Variants in BMAL2 observed in about 807,000 individuals in gnomAD.
The protein encoded by BMAL2 is basic helix-loop-helix ARNT-like protein 2.
the BMAL2 span, among the ~76,000 whole-genome samples, chr12:27,355,924 C>G: frequency 6.6e-6 from 1 of 152,190 alleles, no homozygotes; most frequent in Non-Finnish European, 1.5e-5. Context: ...ATGAATTAAT[C>G]TTAACCATCC....
At chr12:27,403,971 T>C in the BMAL2 span, among the ~76,000 whole-genome samples, 2 of 150,492 alleles carry the variant, frequency 1.3e-5, no homozygotes, top group Non-Finnish European at 3.0e-5. Context: ...GAGACAAGCC[T>C]GGGCAACATG....
the BMAL2 span, among the ~76,000 whole-genome samples, chr12:27,408,217 G>C: frequency 6.6e-6 from 1 of 151,328 alleles, no homozygotes; most frequent in African/African-American, 2.5e-5. Context: ...AATAGAAAAA[G>C]AGGGAATCCT....
At chr12:27,400,834 C>T in the BMAL2 span, 22 of 1,429,588 alleles carry the variant, frequency 1.5e-5, no homozygotes, top group South Asian at 9.1e-5. Context: ...CTATTAAAGG[C>T]GTGTCTTAGT....
At chr12:27,399,962 G>A in the BMAL2 span, among the ~76,000 whole-genome samples, 3 of 152,080 alleles carry the variant, frequency 2.0e-5, no homozygotes, top group Non-Finnish European at 4.4e-5. Context: ...CCTAAAAAGT[G>A]AAATTTATTT....
At chr12:27,401,388 A>G in the BMAL2 span, 7 of 1,580,602 alleles carry the variant, frequency 4.4e-6, no homozygotes, top group Non-Finnish European at 5.2e-6. Context: ...AGCAGAATAC[A>G]TTTTGGGGAA....
At chr12:27,342,256 TCA>T in the BMAL2 span, among the ~76,000 whole-genome samples, 1 of 152,222 alleles carries the variant, frequency 6.6e-6, no homozygotes, top group Non-Finnish European at 1.5e-5. Context: ...TTATTTTAAT[TCA>T]GTTACAATGC....
At chr12:27,388,399 G>A in the BMAL2 span, among the ~76,000 whole-genome samples, 1 of 152,116 alleles carries the variant, frequency 6.6e-6, no homozygotes, top group African/African-American at 2.4e-5. Context: ...TGCTTATATC[G>A]GCTGGTCCGT....
the BMAL2 span, among the ~76,000 whole-genome samples, chr12:27,388,913 A>T: frequency 6.6e-6 from 1 of 152,190 alleles, no homozygotes; most frequent in Admixed American, 6.5e-5. Flanking sequence ...TGTTAACAAG[A>T]GTTACAAGAT....
At chr12:27,409,443 T>C in the BMAL2 span, among the ~76,000 whole-genome samples, 2 of 152,088 alleles carry the variant, frequency 1.3e-5, no homozygotes, top group Admixed American at 6.5e-5. Context: ...TAATGCCACA[T>C]ATCTACAACC....
the BMAL2 span, chr12:27,401,796 G>T: frequency 1.5e-6 from 1 of 665,536 alleles, no homozygotes; most frequent in Non-Finnish European, 2.3e-6. Flanking sequence ...TGTAACTTGA[G>T]ATTTATCTTT....
chr12:27,392,530 G>A, the BMAL2 span, among the ~76,000 whole-genome samples: 1 of 132,890 alleles, frequency 7.5e-6, no homozygotes, highest in African/African-American at 2.9e-5. Context: ...TTCCTTCTGT[G>A]TGGGTGATCC....
At chr12:27,349,137 G>C in the BMAL2 span, among the ~76,000 whole-genome samples, 1 of 152,196 alleles carries the variant, frequency 6.6e-6, no homozygotes, top group Non-Finnish European at 1.5e-5. Flanking sequence ...GCAGTGCACT[G>C]AGGCCATTGC....
At chr12:27,386,605 A>G in the BMAL2 span, among the ~76,000 whole-genome samples, 1 of 152,068 alleles carries the variant, frequency 6.6e-6, no homozygotes, top group Non-Finnish European at 1.5e-5. Flanking sequence ...CATGCAGTGT[A>G]GTAGAATTTG....
At chr12:27,385,679 A>T in the BMAL2 span, 1 of 609,940 alleles carries the variant, frequency 1.6e-6, no homozygotes, top group African/African-American at 1.9e-5. Flanking sequence ...ATTACACCGT[A>T]TTTCCTTTAA....
chr12:27,387,275 T>A, the BMAL2 span: 1 of 1,612,454 alleles, frequency 6.2e-7, no homozygotes. Context: ...GAGGAAAAAT[T>A]CTCTTCGTTT....
the BMAL2 span, among the ~76,000 whole-genome samples, chr12:27,349,296 G>A: frequency 1.3e-5 from 2 of 152,110 alleles, no homozygotes; most frequent in Admixed American, 6.5e-5. Context: ...TAATTAAATC[G>A]TTGATAGTTT....
chr12:27,352,461 A>G, the BMAL2 span, among the ~76,000 whole-genome samples: 1 of 152,226 alleles, frequency 6.6e-6, no homozygotes, highest in Non-Finnish European at 1.5e-5. Flanking sequence ...CCAACATCAT[A>G]CTGAACAGGC....
chr12:27,352,833 A>G, the BMAL2 span, among the ~76,000 whole-genome samples: 1 of 152,174 alleles, frequency 6.6e-6, no homozygotes, highest in Non-Finnish European at 1.5e-5. Flanking sequence ...CTCATTCACA[A>G]TAGCCGTTAA....
the BMAL2 span, among the ~76,000 whole-genome samples, chr12:27,354,119 T>C: frequency 6.6e-6 from 1 of 152,222 alleles, no homozygotes; most frequent in Admixed American, 6.5e-5. Flanking sequence ...TATGCATTCA[T>C]ATGTTCACTG....
Sources: gnomAD v4.1 joint callset for allele counts (sites outside exome capture counted in the v4.1 genomes callset) on GRCh38, gnomAD v4.1.1 for gene constraint, MANE v1.5 for transcripts, NCBI Gene and HGNC (gene_info 2026-07-23, HGNC 2026-07-21) for gene names.